The following ZNF831 variants were observed in gnomAD, a reference collection of about 807,000 sequenced individuals.
The protein encoded by ZNF831 is chromosome 20 open reading frame 174.
ZNF831 carries 59 observed loss-of-function variants against 95.8 expected under a neutral mutation model. The ratio of observed to expected loss-of-function variants is 0.62; its 90% CI spans 0.50 to 0.77. The LOEUF (loss-of-function observed/expected upper bound fraction) is 0.77. Ranked by LOEUF, ZNF831 falls within the 30% of genes least tolerant of loss-of-function variation. The pLI is 0.00. For missense variants in ZNF831, 2,205 were observed against 2,164.0 expected (o/e 1.02, Z -0.38); for synonymous variants, 961 against 925.5 (o/e 1.04, Z -0.70).
chr20:59,211,399 T>A (rs1601404106), intron 4 of ZNF831, among the ~76,000 whole-genome samples: 1 of 152,308 alleles, frequency 6.6e-6, no homozygotes, highest in South Asian at 2.1e-4. Flanking sequence ...CCAGAGAATA[T>A]CAATCACTGC....
chr20:59,168,055 T>C (rs1981423819), intron 1 of ZNF831, among the ~76,000 whole-genome samples: 1 of 152,206 alleles, frequency 6.6e-6, no homozygotes, highest in African/African-American at 2.4e-5. Flanking sequence ...TTCTTCAAAC[T>C]TGTTTGAGTT....
intron 1 of ZNF831, among the ~76,000 whole-genome samples, chr20:59,138,926 T>C (rs925992090): frequency 6.6e-6 from 1 of 152,198 alleles, no homozygotes; most frequent in African/African-American, 2.4e-5. Context: ...TACTCTCTTA[T>C]TTTTCAGACT....
chr20:59,235,266 G>A (rs1168679560), intron 4 of ZNF831, among the ~76,000 whole-genome samples: 1 of 152,150 alleles, frequency 6.6e-6, no homozygotes, highest in Non-Finnish European at 1.5e-5. Context: ...TTGTGATGCT[G>A]ACCTCGAGCA....
At chr20:59,166,582 T>TC (rs995751993) in intron 1 of ZNF831, among the ~76,000 whole-genome samples, 3 of 151,868 alleles carry the variant, frequency 2.0e-5, no homozygotes, top group East Asian at 3.9e-4. Flanking sequence ...CCTCTCTCTC[T>TC]CCCCCCCAAC....
intron 4 of ZNF831, among the ~76,000 whole-genome samples, chr20:59,239,787 C>T (rs1416552015): frequency 6.6e-5 from 10 of 152,302 alleles, no homozygotes; most frequent in Admixed American, 2.0e-4. Context: ...TCAGGCGATC[C>T]GCCCACCTTG....
At chr20:59,155,683 G>A (rs1210570268) in intron 2 of ZNF831, among the ~76,000 whole-genome samples, 2 of 152,226 alleles carry the variant, frequency 1.3e-5, no homozygotes, top group Non-Finnish European at 2.9e-5. Context: ...GTAGGAAGGA[G>A]AGAAGGGGCA....
intron 1 of ZNF831, among the ~76,000 whole-genome samples, chr20:59,129,718 C>T (rs1202193470): frequency 6.6e-6 from 1 of 152,212 alleles, no homozygotes; most frequent in South Asian, 2.1e-4. Context: ...TCCCTAACCT[C>T]TGGCCAGCAC....
chr20:59,188,265 C>T (rs1395285306), intron 1 of ZNF831, among the ~76,000 whole-genome samples: 4 of 152,146 alleles, frequency 2.6e-5, no homozygotes, highest in Non-Finnish European at 4.4e-5. Flanking sequence ...CCCCACCAGT[C>T]GTGTTTATGG....
intron 2 of ZNF831, among the ~76,000 whole-genome samples, chr20:59,157,477 G>A (rs989838456): frequency 2.6e-5 from 4 of 152,198 alleles, no homozygotes; most frequent in Admixed American, 2.0e-4. Context: ...CTTCCAAAAA[G>A]GATTTGAGGG....
At chr20:59,189,499 T>A (rs1026334226) in intron 1 of ZNF831, among the ~76,000 whole-genome samples, 5 of 152,292 alleles carry the variant, frequency 3.3e-5, no homozygotes, top group African/African-American at 1.2e-4. Flanking sequence ...ATGTTTTTTA[T>A]TATTTTTAAA....
At chr20:59,127,803 C>T (rs1979222015) in intron 1 of ZNF831, among the ~76,000 whole-genome samples, 1 of 152,244 alleles carries the variant, frequency 6.6e-6, no homozygotes, top group Admixed American at 6.5e-5. Context: ...AGCAAGTATG[C>T]CTGCCCGTGG....
chr20:59,152,107 T>C (rs2146458240), intron 2 of ZNF831, among the ~76,000 whole-genome samples: 1 of 152,332 alleles, frequency 6.6e-6, no homozygotes, highest in East Asian at 1.9e-4. Context: ...GTCTGTTGCC[T>C]GATCAATCAT....
intron 4 of ZNF831, among the ~76,000 whole-genome samples, chr20:59,234,215 TG>T (rs1353958883): frequency 1.3e-5 from 2 of 152,228 alleles, no homozygotes; most frequent in Non-Finnish European, 2.9e-5. Flanking sequence ...GCAGAGTTGT[TG>T]GATTGGTTGT....
rs184822510 is a variant in ZNF831 at position 59,144,215 on chromosome 20, C to T, written c.-1424-2016C>T. Among the ~76,000 whole-genome samples, 37 of 152,254 alleles carry T rather than the reference C, an allele frequency of 2.4e-4. No homozygotes were observed. In the East Asian group the frequency reaches 3.7e-3, roughly 15 times the overall value. On this transcript the variant is annotated intron_variant, in intron 1 of 7. Coordinates refer to the ZNF831 transcript ENST00000637017. ...TGTCACCCAACAAGAAATTAAATGC[C>T]ATTTAAATGATATGACAGTCGCTTC...
chr20:59,252,516 G>A (rs1987944926), intron 4 of ZNF831, among the ~76,000 whole-genome samples: 1 of 152,110 alleles, frequency 6.6e-6, no homozygotes. Flanking sequence ...CATCACAAAA[G>A]CCAACCTCAT....
chr20:59,138,814 T>C (rs1188878226), intron 1 of ZNF831, among the ~76,000 whole-genome samples: 1 of 152,194 alleles, frequency 6.6e-6, no homozygotes, highest in Non-Finnish European at 1.5e-5. Context: ...CGTTTATTGT[T>C]TTAGGCCACT....
upstream of ZNF831, chr20:59,160,915 G>C (rs1013894952): frequency 6.6e-6 from 1 of 151,824 alleles, no homozygotes; most frequent in East Asian, 1.9e-4. Context: ...ATATCTTTGT[G>C]TTTGTTTGTT....
intron 1 of ZNF831, among the ~76,000 whole-genome samples, chr20:59,125,546 G>A (rs1979146334): frequency 6.6e-6 from 1 of 152,102 alleles, no homozygotes; most frequent in African/African-American, 2.4e-5. Context: ...TTTACTTTTT[G>A]TCCAACGTGT....
chr20:59,133,801 C>A (rs1474755153), intron 1 of ZNF831, among the ~76,000 whole-genome samples: 2 of 152,212 alleles, frequency 1.3e-5, no homozygotes, highest in Non-Finnish European at 2.9e-5. Flanking sequence ...AGCCCTGGAG[C>A]AAGAGTGCAT....
Sources: allele counts gnomAD v4.1 joint callset (sites outside exome capture counted in the v4.1 genomes callset), GRCh38; gene constraint gnomAD v4.1.1; transcripts MANE v1.5; gene names NCBI Gene and HGNC (gene_info 2026-07-23, HGNC 2026-07-21).